Variants in AGK observed in about 807,000 individuals in gnomAD.
AGK encodes acylglycerol kinase, mitochondrial.
In AGK, 52 loss-of-function variants were observed where a neutral mutation model predicts 66.4. That is an observed-to-expected ratio of 0.78 (90% CI 0.63 to 0.99). The LOEUF is 0.99. Ranked by LOEUF, AGK falls within the 50% of genes least tolerant of loss-of-function variation. The probability of loss-of-function intolerance (pLI) is 0.00; values close to 1 mark genes in which losing one functional copy is unlikely to be tolerated. For synonymous variants in AGK, 182 were observed against 181.1 expected (o/e 1.00, Z -0.04); for missense variants, 451 against 506.6 (o/e 0.89, Z 1.05).
intron 3 of AGK, among the ~76,000 whole-genome samples, chr7:141,594,706 G>T (rs1562967882): frequency 6.6e-6 from 1 of 151,244 alleles, no homozygotes; most frequent in Non-Finnish European, 1.5e-5. Flanking sequence ...AGGCTGGAGT[G>T]CAATGGCACA....
intron 2 of AGK, among the ~76,000 whole-genome samples, chr7:141,558,638 A>G (rs1419004381): frequency 6.6e-6 from 1 of 152,162 alleles, no homozygotes; most frequent in African/African-American, 2.4e-5. Flanking sequence ...TTTTGGATAT[A>G]TGCCCAGAAG....
chr7:141,579,643 G>A (rs996172820), intron 2 of AGK, among the ~76,000 whole-genome samples: 4 of 151,942 alleles, frequency 2.6e-5, no homozygotes, highest in Non-Finnish European at 5.9e-5. Context: ...AATCCCTGAG[G>A]AGTAGTAGAA....
At chr7:141,646,149 AAGGCAGGATACAAGAGAGCCCCATGG>A (rs1467855796) in intron 13 of AGK, among the ~76,000 whole-genome samples, 1 of 152,112 alleles carries the variant, frequency 6.6e-6, no homozygotes, top group Middle Eastern at 3.2e-3. Flanking sequence ...CTAGAATTGC[AAGGCAGGATACAAGAGAGCCCCATGG>A]AGAGGAGAGC....
rs1797625002 is a variant in AGK, at chr7:141,653,864, A to G, written c.*940A>G. 6.6e-6 allele frequency: 1 copy of G among 152,252 alleles called. No homozygotes were observed. Among genetic ancestry groups the G allele is most frequent in the South Asian group, 2.1e-4 (1 of 4,830 alleles). 9.4% of individuals were successfully genotyped at this position (152,252 alleles called of 1,614,324 possible). A position where few individuals can be genotyped will look rare whatever the true frequency, so the allele number is the denominator to read the frequency against. ...GTATGTATTTGCTGGTGTCGTGTAA[A>G]TATTGGTATTTTAAAATAAAAACTG... On this transcript the variant is annotated 3_prime_UTR_variant, in exon 16 of 16. Transcript: ENST00000649286.
chr7:141,552,466 T>C (rs1323369698), intron 1 of AGK, among the ~76,000 whole-genome samples: 1 of 152,190 alleles, frequency 6.6e-6, no homozygotes, highest in Admixed American at 6.5e-5. Context: ...TGTTAACAAG[T>C]GAAGATGACA....
intron 2 of AGK, among the ~76,000 whole-genome samples, chr7:141,570,436 A>T (rs556060786): frequency 2.5e-4 from 38 of 152,310 alleles, no homozygotes; most frequent in Admixed American, 9.2e-4. Flanking sequence ...ACTATGTGCT[A>T]TGTTCTGTTC....
At chr7:141,638,459 T>A (rs998135551) in intron 11 of AGK, among the ~76,000 whole-genome samples, 1 of 150,894 alleles carries the variant, frequency 6.6e-6, no homozygotes, top group African/African-American at 2.4e-5. Flanking sequence ...CAATGGGGAG[T>A]TATTGAGTCT....
chr7:141,563,425 C>G (rs957080258), intron 2 of AGK, among the ~76,000 whole-genome samples: 1 of 152,208 alleles, frequency 6.6e-6, no homozygotes, highest in African/African-American at 2.4e-5. Flanking sequence ...ATAAATCTTC[C>G]AGCCTTCTGG....
At chr7:141,636,460 C>T (rs756100684) in intron 10 of AGK, among the ~76,000 whole-genome samples, 1 of 152,140 alleles carries the variant, frequency 6.6e-6, no homozygotes, top group Non-Finnish European at 1.5e-5. Context: ...TGGCTGCACA[C>T]CGAGTACTGT....
At chr7:141,589,714 C>G (rs1032749496) in intron 2 of AGK, among the ~76,000 whole-genome samples, 22 of 152,268 alleles carry the variant, frequency 1.4e-4, no homozygotes, top group African/African-American at 5.3e-4. Context: ...GCATGTGCCA[C>G]CATGCCTGGA....
chr7:141,646,279 G>C (rs1487012236), intron 13 of AGK, among the ~76,000 whole-genome samples: 2 of 152,056 alleles, frequency 1.3e-5, no homozygotes, highest in Admixed American at 6.6e-5. Context: ...ACCACCACCC[G>C]AGATAGAGGT....
intron 2 of AGK, among the ~76,000 whole-genome samples, chr7:141,558,889 C>T (rs552740150): frequency 6.6e-6 from 1 of 152,178 alleles, no homozygotes; most frequent in African/African-American, 2.4e-5. Flanking sequence ...GGAAGTCAAG[C>T]ATCTTTTCAC....
At chr7:141,651,934 A>G (rs1156360077) in intron 15 of AGK, among the ~76,000 whole-genome samples, 1 of 152,250 alleles carries the variant, frequency 6.6e-6, no homozygotes, top group Non-Finnish European at 1.5e-5. Context: ...AGACACATAG[A>G]GAATTGTCTA....
chr7:141,597,890 C>CAAAAAAAA (rs56295907), intron 4 of AGK, among the ~76,000 whole-genome samples: 236 of 71,400 alleles, frequency 3.3e-3, no homozygotes, highest in Non-Finnish European at 4.3e-3. Context: ...GACTCTGTCT[C>CAAAAAAAA]AAAAAAAAAA....
intron 5 of AGK, among the ~76,000 whole-genome samples, chr7:141,603,093 AT>A (rs1347508476): frequency 6.6e-6 from 1 of 152,156 alleles, no homozygotes; most frequent in African/African-American, 2.4e-5. Flanking sequence ...ATGCCTAAAA[AT>A]AGTATATATC....
chr7:141,600,919 G>A (rs182557085), intron 4 of AGK, among the ~76,000 whole-genome samples: 3 of 152,184 alleles, frequency 2.0e-5, no homozygotes, highest in South Asian at 2.1e-4. Flanking sequence ...TCTAGTGTTC[G>A]TTCTTCCCCT....
intron 14 of AGK, among the ~76,000 whole-genome samples, chr7:141,650,958 G>C (rs543031981): frequency 6.8e-4 from 104 of 152,300 alleles, no homozygotes; most frequent in African/African-American, 2.5e-3. Context: ...GTATTCTCTA[G>C]GGGATAAGAT....
intron 2 of AGK, among the ~76,000 whole-genome samples, chr7:141,586,194 A>C (rs1285558172): frequency 6.6e-6 from 1 of 152,088 alleles, no homozygotes; most frequent in African/African-American, 2.4e-5. Context: ...TTCTTCCATT[A>C]CACTCTACAC....
intron 2 of AGK, among the ~76,000 whole-genome samples, chr7:141,584,003 C>T (rs1795940890): frequency 1.3e-5 from 2 of 151,920 alleles, no homozygotes; most frequent in African/African-American, 4.9e-5. Context: ...GGATTGATCT[C>T]CCAAGGGAGG....
Sources: gnomAD v4.1 joint callset for allele counts (sites outside exome capture counted in the v4.1 genomes callset) on GRCh38, gnomAD v4.1.1 for gene constraint, MANE v1.5 for transcripts, NCBI Gene and HGNC (gene_info 2026-07-23, HGNC 2026-07-21) for gene names.